The following RETREG1 variants were observed in gnomAD, a reference collection of about 807,000 sequenced individuals.
The protein encoded by RETREG1 is reticulophagy regulator 1.
RETREG1 carries 44 observed loss-of-function variants against 54.8 expected under a neutral mutation model. The ratio of observed to expected loss-of-function variants is 0.80; its 90% CI spans 0.63 to 1.03. The LOEUF (loss-of-function observed/expected upper bound fraction) is 1.03. Ranked by LOEUF, RETREG1 falls within the 50% of genes least tolerant of loss-of-function variation. The pLI, the probability that RETREG1 is intolerant of heterozygous loss-of-function variation, is 0.00. For synonymous variants in RETREG1, 217 were observed against 238.5 expected (o/e 0.91, Z 0.83); for missense variants, 554 against 605.1 (o/e 0.92, Z 0.89).
intron 3 of RETREG1, among the ~76,000 whole-genome samples, chr5:16,512,939 G>A (rs1005591779): frequency 1.3e-5 from 2 of 152,048 alleles, no homozygotes; most frequent in Admixed American, 6.5e-5. Context: ...GAGACCAAGC[G>A]AAGGTAACTG....
intron 3 of RETREG1, among the ~76,000 whole-genome samples, chr5:16,535,267 T>C (rs1047992528): frequency 2.6e-5 from 4 of 152,246 alleles, no homozygotes; most frequent in South Asian, 4.1e-4. Flanking sequence ...AGTGCGCTCA[T>C]TGATTTCCAG....
intron 3 of RETREG1, among the ~76,000 whole-genome samples, chr5:16,513,763 G>A (rs867894870): frequency 6.6e-6 from 1 of 152,192 alleles, no homozygotes; most frequent in Non-Finnish European, 1.5e-5. Flanking sequence ...AATGAGTCCT[G>A]TTTTCTCTGT....
chr5:16,616,573 C>T, intron 1 of RETREG1, 79 bp downstream of exon 1: 1 of 1,532,420 alleles, frequency 6.5e-7, no homozygotes, highest in Non-Finnish European at 8.7e-7. Context: ...CGGGCTCCCC[C>T]TGCACTGGGT....
intron 3 of RETREG1, chr5:16,509,011 G>A (rs1406133609): frequency 1.0e-6 from 1 of 1,001,980 alleles, no homozygotes; most frequent in Non-Finnish European, 1.2e-6. Context: ...CTTCACCTAG[G>A]CCCGCCTGCC....
At chr5:16,610,352 G>A (rs1743302571) in intron 1 of RETREG1, among the ~76,000 whole-genome samples, 1 of 152,162 alleles carries the variant, frequency 6.6e-6, no homozygotes, top group Non-Finnish European at 1.5e-5. Context: ...AGAAGGTAAT[G>A]CCATCATCAT....
Position 16,594,859 on chromosome 5 carries a change from A to T in RETREG1, c.320+21793T>A, listed in dbSNP as rs1482314495. ...GCAAGGTGTTGTTTTCAATTTATCC[A>T]GAAGGTATTTGGAAGTTAAATTCAG... On this transcript the variant is annotated intron_variant, in intron 1 of 8. Coordinates refer to ENST00000306320, the MANE Select transcript of RETREG1 (RefSeq NM_001034850.3). This position sits in a 1 kb window ranked among gnomAD's most constrained non-coding sequence, Gnocchi z 4.4. Among the ~76,000 whole-genome samples, 1 of 152,236 alleles carries T rather than the reference A, an allele frequency of 6.6e-6. No individual in the cohort carries two copies. Among genetic ancestry groups the T allele is most frequent in the Non-Finnish European group, 1.5e-5 (1 of 68,046 alleles).
intron 1 of RETREG1, among the ~76,000 whole-genome samples, chr5:16,572,946 A>T (rs2126306795): frequency 6.6e-6 from 1 of 152,130 alleles, no homozygotes; most frequent in East Asian, 1.9e-4. Context: ...GCATTTTGGG[A>T]GGCCGAGGCA....
chr5:16,592,320 TGAGA>T (rs1443723573), intron 1 of RETREG1, among the ~76,000 whole-genome samples: 1 of 152,160 alleles, frequency 6.6e-6, no homozygotes, highest in African/African-American at 2.4e-5. Context: ...TTACTGATCA[TGAGA>T]GAAAGGCAAA....
intron 3 of RETREG1, among the ~76,000 whole-genome samples, chr5:16,505,037 T>C (rs1212801715): frequency 6.6e-6 from 1 of 152,204 alleles, no homozygotes; most frequent in African/African-American, 2.4e-5. Context: ...TAAAATTTAG[T>C]GCAATTACGA....
chr5:16,587,756 C>T (rs1742660030), intron 1 of RETREG1, among the ~76,000 whole-genome samples: 1 of 152,174 alleles, frequency 6.6e-6, no homozygotes, highest in Non-Finnish European at 1.5e-5. Context: ...AAGAACTAGA[C>T]TCTGGCCACA....
At chr5:16,590,196 A>C (rs75905543) in intron 1 of RETREG1, among the ~76,000 whole-genome samples, 10,936 of 152,290 alleles carry the variant, frequency 0.072, 483 homozygotes, top group Non-Finnish European at 0.1. Context: ...TGGGACCTCC[A>C]GGATCCCTCA....
At chr5:16,576,809 G>T (rs1461599050) in intron 1 of RETREG1, among the ~76,000 whole-genome samples, 1 of 151,652 alleles carries the variant, frequency 6.6e-6, no homozygotes, top group African/African-American at 2.4e-5. Context: ...TAGAGATGGG[G>T]TTTCACCATG....
intron 1 of RETREG1, among the ~76,000 whole-genome samples, chr5:16,602,500 G>C (rs1241274915): frequency 1.3e-5 from 2 of 152,110 alleles, no homozygotes; most frequent in African/African-American, 4.8e-5. Context: ...AGAACTCTGA[G>C]AGTAACAGCA....
At chr5:16,482,972 ACAGT>A (rs1430499357) in intron 4 of RETREG1, 5 of 172,096 alleles carry the variant, frequency 2.9e-5, no homozygotes, top group Admixed American at 5.8e-5. Context: ...CTCCAAAAGC[ACAGT>A]CAAAGAACTA....
At chr5:16,479,238 T>TAAA (rs1366093780) in intron 5 of RETREG1, among the ~76,000 whole-genome samples, 13 of 151,996 alleles carry the variant, frequency 8.6e-5, no homozygotes, top group Non-Finnish European at 1.5e-5. Context: ...TTCTGTAAGG[T>TAAA]AAACATTTTC....
In RETREG1 at chr5:16,473,758, A is replaced by T. The variant is rs1427319083; in HGVS notation, c.*983T>A. 2 of 152,224 alleles carry T rather than the reference A, an allele frequency of 1.3e-5. No homozygotes were observed. Among genetic ancestry groups the T allele is most frequent in the Admixed American group, 1.3e-4 (2 of 15,280 alleles). 9.4% of individuals were successfully genotyped at this position (152,224 alleles called of 1,614,324 possible). ...ATTTATACTTAAATGGCAAATAAAT[A>T]TATTTTAAAGCCAAGCAAGTTCCTC... On this transcript the variant is annotated 3_prime_UTR_variant, in exon 9 of 9. Transcript: ENST00000306320.
chr5:16,555,183 A>G (rs2560832), intron 3 of RETREG1, among the ~76,000 whole-genome samples: 125,032 of 152,206 alleles, frequency 0.82, 51,355 homozygotes, highest in Middle Eastern at 0.87. Flanking sequence ...ACAGAGTCTC[A>G]CTCTGTGACC....
intron 3 of RETREG1, among the ~76,000 whole-genome samples, chr5:16,555,061 C>T (rs986118966): frequency 6.9e-5 from 8 of 116,462 alleles, no homozygotes; most frequent in Admixed American, 1.8e-4. Flanking sequence ...GCCACTCAAC[C>T]CATTTCACCA....
intron 3 of RETREG1, among the ~76,000 whole-genome samples, chr5:16,515,321 C>T (rs1740314318): frequency 6.6e-6 from 1 of 152,188 alleles, no homozygotes; most frequent in Non-Finnish European, 1.5e-5. Flanking sequence ...CCTCCTTTAT[C>T]CTTGTCTATT....
Sources: allele counts gnomAD v4.1 joint callset (sites outside exome capture counted in the v4.1 genomes callset), GRCh38; gene constraint gnomAD v4.1.1; non-coding constraint Gnocchi (gnomAD v3.1); transcripts MANE v1.5; gene names NCBI Gene and HGNC (gene_info 2026-07-23, HGNC 2026-07-21).